The following PPP1R16B variants were observed in gnomAD, a reference collection of about 807,000 sequenced individuals.
PPP1R16B encodes the protein protein phosphatase 1 regulatory subunit 16B.
In PPP1R16B, 14 loss-of-function variants were observed where a neutral mutation model predicts 61.7. That is an observed-to-expected ratio of 0.23 (90% CI 0.15 to 0.35). PPP1R16B has a LOEUF of 0.35. Among genes scored for constraint, PPP1R16B ranks in the 10% least tolerant of loss-of-function variants. The pLI is 1.00. For synonymous variants in PPP1R16B, 266 were observed against 305.3 expected, an observed-to-expected ratio of 0.87 and a Z score of 1.34; for missense variants, 547 against 752.5, an observed-to-expected ratio of 0.73 and a Z score of 3.19.
chr20:38,831,173 A>T (rs1465038084), intron 1 of PPP1R16B, among the ~76,000 whole-genome samples: 2 of 152,216 alleles, frequency 1.3e-5, no homozygotes, highest in East Asian at 3.8e-4. Context: ...CTTGGGGTGC[A>T]CACAGCTGCT....
At chr20:38,878,033 T>C (rs2085180753) in intron 2 of PPP1R16B, among the ~76,000 whole-genome samples, 1 of 142,910 alleles carries the variant, frequency 7.0e-6, no homozygotes, top group East Asian at 2.4e-4. Flanking sequence ...AATTTACTCA[T>C]CTGGTACATG....
Position 38,835,839 on chromosome 20 carries a change from C to T in PPP1R16B, c.-87C>T. 7.1e-7 allele frequency: 1 copy of T among 1,414,928 alleles called. No individual in the cohort carries two copies. The highest frequency in any genetic ancestry group is 9.3e-7 in the Non-Finnish European group (1 of 1,075,788). The allele number at this position is 1,414,928 out of a possible 1,614,324, so 87.6% of individuals were successfully genotyped here. ...CCCTGCCACAGGCCACACCATGAGG[C>T]CCCAGCCCCACCAGAGGCCCCGCGC... is the stretch of plus-strand genomic sequence containing the variant. On this transcript the variant is annotated 5_prime_UTR_variant, in exon 2 of 11. Coordinates refer to ENST00000299824, the MANE Select transcript of PPP1R16B (RefSeq NM_015568.4).
At chr20:38,829,929 C>T (rs1039859393) in intron 1 of PPP1R16B, among the ~76,000 whole-genome samples, 3 of 152,218 alleles carry the variant, frequency 2.0e-5, no homozygotes, top group African/African-American at 7.2e-5. Context: ...GGGAGGGGCT[C>T]GCGGGGAGGG....
chr20:38,905,663 TA>T (rs1236179077), intron 6 of PPP1R16B, among the ~76,000 whole-genome samples: 3 of 152,138 alleles, frequency 2.0e-5, no homozygotes, highest in Non-Finnish European at 4.4e-5. Flanking sequence ...AAAATCACCA[TA>T]TTGAACCTCA....
At chr20:38,840,089 A>T (rs2084900146) in intron 2 of PPP1R16B, among the ~76,000 whole-genome samples, 1 of 152,058 alleles carries the variant, frequency 6.6e-6, no homozygotes. Context: ...CTGGGTTTGG[A>T]TGAGGGGTGT....
intron 1 of PPP1R16B, among the ~76,000 whole-genome samples, chr20:38,824,138 A>C (rs573126926): frequency 1.3e-5 from 2 of 152,296 alleles, no homozygotes; most frequent in Non-Finnish European, 1.5e-5. Flanking sequence ...TGGTGCAGTG[A>C]TTCCCAGAAA....
At chr20:38,916,408 T>C (rs1178003369) in intron 10 of PPP1R16B, among the ~76,000 whole-genome samples, 1 of 148,544 alleles carries the variant, frequency 6.7e-6, no homozygotes, top group Non-Finnish European at 1.5e-5. Context: ...ATGTATGTTA[T>C]ATATAAATAT....
At chr20:38,910,989 G>A (rs1022067886) in intron 10 of PPP1R16B, among the ~76,000 whole-genome samples, 7 of 150,038 alleles carry the variant, frequency 4.7e-5, no homozygotes, top group African/African-American at 1.5e-4. Flanking sequence ...GCGAGACTCC[G>A]TCTCAAAACA....
intron 2 of PPP1R16B, among the ~76,000 whole-genome samples, chr20:38,868,198 C>T (rs1415577179): frequency 6.6e-6 from 1 of 152,196 alleles, no homozygotes; most frequent in East Asian, 1.9e-4. Context: ...ACAGTGTACA[C>T]GCCGGGCACA....
intron 1 of PPP1R16B, among the ~76,000 whole-genome samples, chr20:38,827,098 C>T (rs1400469250): frequency 1.3e-5 from 2 of 152,076 alleles, no homozygotes; most frequent in Admixed American, 6.5e-5. Context: ...TAGAGGCACA[C>T]GCCACCACAC....
At chr20:38,812,384 A>C (rs2145702703) in intron 1 of PPP1R16B, among the ~76,000 whole-genome samples, 1 of 152,328 alleles carries the variant, frequency 6.6e-6, no homozygotes, top group East Asian at 1.9e-4. Flanking sequence ...AAGGAAACCC[A>C]CTGAATGGCT....
At chr20:38,841,353 G>GAAAA (rs34203271) in intron 2 of PPP1R16B, among the ~76,000 whole-genome samples, 791 of 42,590 alleles carry the variant, frequency 0.019, 61 homozygotes, top group Non-Finnish European at 0.028. Context: ...TGTCTGTACT[G>GAAAA]AAAAAAAAAA....
At chr20:38,861,995 T>C (rs2085055044) in intron 2 of PPP1R16B, among the ~76,000 whole-genome samples, 1 of 152,184 alleles carries the variant, frequency 6.6e-6, no homozygotes. Context: ...CTTTTGCTTC[T>C]GGTCTCTTAC....
At chr20:38,888,700 C>T (rs2085265457) in intron 2 of PPP1R16B, among the ~76,000 whole-genome samples, 1 of 152,058 alleles carries the variant, frequency 6.6e-6, no homozygotes, top group Non-Finnish European at 1.5e-5. Context: ...GGGTGAGCTC[C>T]TCTCTTCTCT....
chr20:38,848,091 A>G (rs1453228213), intron 2 of PPP1R16B, among the ~76,000 whole-genome samples: 1 of 152,196 alleles, frequency 6.6e-6, no homozygotes, highest in African/African-American at 2.4e-5. Context: ...TCACATTACA[A>G]TGGCAGAGTT....
At chr20:38,863,520 G>C (rs893417906) in intron 2 of PPP1R16B, among the ~76,000 whole-genome samples, 1 of 152,212 alleles carries the variant, frequency 6.6e-6, no homozygotes, top group African/African-American at 2.4e-5. Flanking sequence ...CTCTGGCATG[G>C]ATGATGGGAA....
intron 2 of PPP1R16B, among the ~76,000 whole-genome samples, chr20:38,888,109 A>C (rs1266147008): frequency 2.6e-5 from 4 of 152,230 alleles, no homozygotes; most frequent in African/African-American, 7.2e-5. Flanking sequence ...AGCAGAAATC[A>C]ACGAGGAAAC....
At chr20:38,842,511 C>G (rs887568943) in intron 2 of PPP1R16B, among the ~76,000 whole-genome samples, 2 of 152,152 alleles carry the variant, frequency 1.3e-5, no homozygotes, top group Non-Finnish European at 2.9e-5. Flanking sequence ...CTAAATTTAA[C>G]TCTTATTAAA....
At chr20:38,905,910 C>G (rs2085437098) in intron 6 of PPP1R16B, 59 bp from the exon 7 acceptor site, 2 of 1,556,922 alleles carry the variant, frequency 1.3e-6, no homozygotes, top group Admixed American at 3.6e-5. Flanking sequence ...TGAGAGCTAG[C>G]CTACCGTCAA....
Sources: gnomAD v4.1 joint callset for allele counts (sites outside exome capture counted in the v4.1 genomes callset) on GRCh38, gnomAD v4.1.1 for gene constraint, MANE v1.5 for transcripts, NCBI Gene and HGNC (gene_info 2026-07-23, HGNC 2026-07-21) for gene names.